The following DHX57 variants were observed in gnomAD, a reference collection of about 807,000 sequenced individuals.
DHX57 encodes the protein DExH-box helicase 57.
Under a neutral mutation model 156.2 loss-of-function variants are expected in DHX57, and 105 were observed. The observed-to-expected ratio is 0.67, with a 90% confidence interval of 0.57 to 0.79. The LOEUF (loss-of-function observed/expected upper bound fraction) is 0.79, where lower values mean the gene tolerates loss of function less well. Among genes scored for constraint, DHX57 ranks in the 30% least tolerant of loss-of-function variants. DHX57 has a pLI of 0.00. For missense variants in DHX57, 1,847 were observed against 1,661.9 expected (o/e 1.11, Z -1.94); for synonymous variants, 704 against 595.6 (o/e 1.18, Z -2.65).
chr2:38,851,848 C>G (rs1045849112), intron 9 of DHX57, among the ~76,000 whole-genome samples: 1 of 152,094 alleles, frequency 6.6e-6, no homozygotes, highest in African/African-American at 2.4e-5. Flanking sequence ...GCTTCCTCTT[C>G]CAAGTTGTTC....
At position 38,861,699 on chromosome 2, in the gene DHX57, G is replaced by C; in HGVS notation, c.711C>G (p.Asn237Lys). The change falls in exon 5 of 24, where the codon AAC becomes AAG. Residue 237 changes from asparagine (N) to lysine (K), a missense_variant. Transcript: ENST00000457308. ...CCATACACTCATCCAAGCTTATCTGGTTGACTGCCTCAGAGATCTTCATCC... is the reference window on the plus strand; with the variant it reads ...CCATACACTCATCCAAGCTTATCTGCTTGACTGCCTCAGAGATCTTCATCC... ...GERMKISEAV[N>K]QISLDECMEQ... 6.2e-7 allele frequency: 1 copy of C among 1,614,108 alleles called. No homozygotes were observed. The highest frequency in any genetic ancestry group is 8.5e-7 in the Non-Finnish European group (1 of 1,180,020).
intron 2 of DHX57, 48 bp downstream of exon 2, chr2:38,868,134 G>C (rs546465159): frequency 6.3e-7 from 1 of 1,598,422 alleles, no homozygotes; most frequent in African/African-American, 1.3e-5. Flanking sequence ...CCATACATTA[G>C]GGGTTGATAC....
intron 7 of DHX57, among the ~76,000 whole-genome samples, chr2:38,855,674 A>T (rs1285870755): frequency 1.3e-5 from 2 of 152,222 alleles, no homozygotes; most frequent in Non-Finnish European, 2.9e-5. Context: ...CATATCACTG[A>T]GTCTGGACAC....
At chr2:38,801,108 A>G (rs192227537) in intron 23 of DHX57, among the ~76,000 whole-genome samples, 1 of 152,240 alleles carries the variant, frequency 6.6e-6, no homozygotes, top group Non-Finnish European at 1.5e-5. Context: ...GGGTCACATT[A>G]TATTTCTGTT....
At chr2:38,838,882 A>G in intron 12 of DHX57, 1 of 424,422 alleles carries the variant, frequency 2.4e-6, no homozygotes, top group Non-Finnish European at 4.7e-6. Context: ...CGATCTGGTA[A>G]ACGATGTAGT....
chr2:38,806,163 T>C (rs757368767), intron 22 of DHX57, among the ~76,000 whole-genome samples: 28 of 152,182 alleles, frequency 1.8e-4, no homozygotes, highest in Non-Finnish European at 3.5e-4. Flanking sequence ...TATTTGTTAC[T>C]TCTGATGGGT....
At chr2:38,820,594 T>A (rs1670761534) in intron 17 of DHX57, among the ~76,000 whole-genome samples, 1 of 152,152 alleles carries the variant, frequency 6.6e-6, no homozygotes, top group Non-Finnish European at 1.5e-5. Context: ...TTTTATCATT[T>A]CTTTTTTTCT....
At chr2:38,825,511 C>G (rs1671043016) in intron 16 of DHX57, among the ~76,000 whole-genome samples, 1 of 152,032 alleles carries the variant, frequency 6.6e-6, no homozygotes, top group Non-Finnish European at 1.5e-5. Context: ...CTATGTTGGC[C>G]AAGCTGGTCT....
intron 13 of DHX57, among the ~76,000 whole-genome samples, chr2:38,836,837 C>T (rs888833889): frequency 4.1e-5 from 6 of 146,876 alleles, no homozygotes; most frequent in Non-Finnish European, 9.0e-5. Context: ...ATATGACATA[C>T]AAAATGTGGT....
At chr2:38,805,082 A>C (rs1291280082) in intron 22 of DHX57, among the ~76,000 whole-genome samples, 1 of 152,202 alleles carries the variant, frequency 6.6e-6, no homozygotes. Flanking sequence ...ACATGGATAC[A>C]TGAACGATTT....
chr2:38,846,095 C>A (rs535149063), intron 11 of DHX57, among the ~76,000 whole-genome samples: 55 of 152,152 alleles, frequency 3.6e-4, no homozygotes, highest in Non-Finnish European at 1.5e-5. Flanking sequence ...TGAACTCCCG[C>A]CCTCAGGTGA....
intron 19 of DHX57, among the ~76,000 whole-genome samples, chr2:38,816,339 C>T (rs527380849): frequency 8.5e-5 from 13 of 152,154 alleles, no homozygotes; most frequent in South Asian, 4.2e-4. Flanking sequence ...CTTAACCTCC[C>T]GAGTAGCTGG....
At chr2:38,854,294 C>T (rs1410075368) in intron 8 of DHX57, 116 bp from the exon 9 acceptor site, 26 of 1,041,644 alleles carry the variant, frequency 2.5e-5, no homozygotes, top group Non-Finnish European at 3.1e-5. Flanking sequence ...CCAGCAGTTC[C>T]ATTTAATAGG....
At chr2:38,836,402 T>A (rs1171167594) in intron 13 of DHX57, among the ~76,000 whole-genome samples, 7 of 152,222 alleles carry the variant, frequency 4.6e-5, no homozygotes, top group African/African-American at 1.7e-4. Context: ...TTCCACTTAA[T>A]GAATAGTAAA....
chr2:38,827,505 A>AATATATAT (rs61667849), intron 14 of DHX57, among the ~76,000 whole-genome samples: 1 of 10,142 alleles, frequency 9.9e-5, no homozygotes, highest in African/African-American at 1.4e-4. Context: ...AAAAAAAAAA[A>AATATATAT]ATATATATAT....
At chr2:38,838,465 A>T (rs1197122685) in intron 12 of DHX57, among the ~76,000 whole-genome samples, 1 of 152,128 alleles carries the variant, frequency 6.6e-6, no homozygotes, top group African/African-American at 2.4e-5. Flanking sequence ...AATGACCCAA[A>T]AAGCAGGCTC....
At chr2:38,865,732 C>T (rs1206780338) in intron 2 of DHX57, among the ~76,000 whole-genome samples, 3 of 152,140 alleles carry the variant, frequency 2.0e-5, no homozygotes, top group Non-Finnish European at 2.9e-5. Flanking sequence ...CTTCTCTATT[C>T]GATTTTATCC....
chr2:38,811,912 C>T (rs1444814958), intron 21 of DHX57, among the ~76,000 whole-genome samples: 1 of 152,056 alleles, frequency 6.6e-6, no homozygotes, highest in Non-Finnish European at 1.5e-5. Flanking sequence ...AATGATTTTT[C>T]CCCACATTCT....
chr2:38,799,864 T>G (rs1480637576), intron 23 of DHX57, among the ~76,000 whole-genome samples: 2 of 151,060 alleles, frequency 1.3e-5, no homozygotes, highest in Middle Eastern at 3.5e-3. Context: ...GATCAGCCTG[T>G]CCAAATGGTG....
Sources: gnomAD v4.1 joint callset for allele counts (sites outside exome capture counted in the v4.1 genomes callset) on GRCh38, gnomAD v4.1.1 for gene constraint, MANE v1.5 for transcripts, NCBI Gene and HGNC (gene_info 2026-07-23, HGNC 2026-07-21) for gene names.